The following ORC2 variants were observed in gnomAD, a reference collection of about 807,000 sequenced individuals.
ORC2 encodes origin recognition complex protein 2 homolog.
ORC2 carries 37 observed loss-of-function variants against 77.7 expected under a neutral mutation model. The ratio of observed to expected loss-of-function variants is 0.48; its 90% confidence interval spans 0.37 to 0.63. The LOEUF (loss-of-function observed/expected upper bound fraction) is 0.63. ORC2 is among the 20% of genes least tolerant of loss of function. The probability of loss-of-function intolerance (pLI) is 0.00; values close to 1 mark genes in which losing one functional copy is unlikely to be tolerated. For missense variants in ORC2, 557 were observed against 661.9 expected, an observed-to-expected ratio of 0.84 and a Z score of 1.74; for synonymous variants, 201 against 229.5, an observed-to-expected ratio of 0.88 and a Z score of 1.12.
rs553101234 is a variant in ORC2, at chr2:200,928,166, G to A, written c.918-1266C>T. Among the ~76,000 whole-genome samples, 362 of 151,794 alleles carry A rather than the reference G, an allele frequency of 2.4e-3. 1 individual carries two copies. Among genetic ancestry groups the A allele is most frequent in the African/African-American group, 8.0e-3 (333 of 41,440 alleles). On this transcript the variant is annotated intron_variant, in intron 11 of 17. Coordinates refer to ENST00000234296, the MANE Select transcript of ORC2 (RefSeq NM_006190.5). ...AGGCCAGGAATTCGAGACCAGCCTG[G>A]CCAACATGGTGAAATCCTGTCTCTA...
At chr2:200,963,046 T>C (rs1462713201) in intron 1 of ORC2, 1 of 157,900 alleles carries the variant, frequency 6.3e-6, no homozygotes, top group African/African-American at 2.4e-5. Context: ...TTCCTCTTCA[T>C]ACCTCACAGG....
chr2:200,920,301 A>G lies in ORC2; in HGVS notation c.1387T>C (p.Ser463Pro). 13 of 1,613,904 alleles carry G rather than the reference A, an allele frequency of 8.1e-6. No homozygotes were observed. The highest frequency in any genetic ancestry group is 1.3e-5 in the African/African-American group (1 of 75,026). Reference sequence around the variant, plus strand: ...GATCCAGACTGCTTTACCAGAAGAGAGTTCTCATAGGAGGTTTCTTCAGTA... The same window carrying G: ...GATCCAGACTGCTTTACCAGAAGAGGGTTCTCATAGGAGGTTTCTTCAGTA... ...PYTEETSYEN[S>P]LLVKQSGSLP... Residue 463 changes from serine to proline, a missense_variant, in exon 15 of 18, where the codon TCT becomes CCT. Transcript: ENST00000234296.
chr2:200,930,843 A>G (rs1008336384), intron 11 of ORC2, among the ~76,000 whole-genome samples: 1 of 152,208 alleles, frequency 6.6e-6, no homozygotes, highest in Admixed American at 6.5e-5. Context: ...AAATAATAAC[A>G]GTGAAAAAAT....
chr2:200,944,791 C>T (rs1372996072), intron 5 of ORC2, among the ~76,000 whole-genome samples: 1 of 152,162 alleles, frequency 6.6e-6, no homozygotes, highest in Non-Finnish European at 1.5e-5. Context: ...CCTCCCGCCT[C>T]GGCCTCTCAA....
In ORC2 at chr2:200,925,769, T is replaced by C. The variant is rs564681814; in HGVS notation, c.1147+67A>G. 6.2e-6 allele frequency: 4 copies of C among 646,198 alleles called. No homozygotes were observed. In the South Asian group the frequency reaches 7.5e-5, roughly 12 times the overall value. 40.0% of individuals were successfully genotyped at this position (646,198 alleles called of 1,614,324 possible). ...AATAATAATATTGTATGTATATAAATACATGAATAAGTAGAAGTATATGCT... is the reference window on the plus strand; with the variant it reads ...AATAATAATATTGTATGTATATAAACACATGAATAAGTAGAAGTATATGCT... On this transcript the variant is annotated intron_variant, in intron 13 of 17. Transcript: ENST00000234296.
chr2:200,952,833 G>C (rs796499906), intron 4 of ORC2, among the ~76,000 whole-genome samples: 34 of 151,606 alleles, frequency 2.2e-4, no homozygotes, highest in African/African-American at 7.7e-4. Context: ...AAAGCAGGCT[G>C]GGCATAATTG....
intron 12 of ORC2, among the ~76,000 whole-genome samples, chr2:200,926,235 C>T (rs900846930): frequency 1.3e-5 from 2 of 152,014 alleles, no homozygotes; most frequent in Non-Finnish European, 2.9e-5. Context: ...AACTACAGTT[C>T]TATCAAAGGA....
intron 11 of ORC2, among the ~76,000 whole-genome samples, chr2:200,930,213 CAGAAAAGAGGTAA>C (rs2040914370): frequency 6.6e-6 from 1 of 151,892 alleles, no homozygotes. Flanking sequence ...AATGGAAGAA[CAGAAAAGAGGTAA>C]CCTCCAAAGG....
At chr2:200,915,544 C>A (rs1479241897) in intron 15 of ORC2, among the ~76,000 whole-genome samples, 2 of 152,074 alleles carry the variant, frequency 1.3e-5, no homozygotes, top group Non-Finnish European at 2.9e-5. Context: ...GAAGAGTGAA[C>A]CAAGTAGAAT....
chr2:200,926,951 C>A (rs1480071041), intron 11 of ORC2, 51 bp from the exon 12 acceptor site: 3 of 1,544,412 alleles, frequency 1.9e-6, no homozygotes, highest in South Asian at 1.1e-5. Context: ...CCTCTTATTG[C>A]CAATTTTATT....
chr2:200,918,341 C>T (rs2040694719), intron 15 of ORC2, among the ~76,000 whole-genome samples: 1 of 152,074 alleles, frequency 6.6e-6, no homozygotes. Context: ...GTCTATTATG[C>T]TGTGTGTTTG....
intron 17 of ORC2, 131 bp downstream of exon 17, chr2:200,913,164 C>T: frequency 1.7e-6 from 1 of 593,288 alleles, no homozygotes; most frequent in Non-Finnish European, 2.8e-6. Flanking sequence ...TGGCACATCC[C>T]CTAAATGAAT....
chr2:200,913,031 AAG>A lies in ORC2; in HGVS notation c.1647+262_1647+263del, dbSNP rs540189589. Reference sequence around the variant, plus strand: ...TGAATGAGCAAGAGGGAAAAAACAAAAGAACAGAATTATTTGACTCACCATGT... The same window carrying A: ...TGAATGAGCAAGAGGGAAAAAACAAAAACAGAATTATTTGACTCACCATGT... On this transcript the variant is annotated intron_variant, in intron 17 of 17. Coordinates refer to ENST00000234296, the MANE Select transcript of ORC2 (RefSeq NM_006190.5). Among the ~76,000 whole-genome samples the A allele has an allele frequency of 2.0e-5, 3 of 152,298 alleles. No individual in the cohort carries two copies. In the South Asian group the frequency reaches 6.2e-4, roughly 32 times the overall value.
Position 200,948,033 on chromosome 2 carries a change from C to T in ORC2, c.328+1521G>A, listed in dbSNP as rs377031825. On this transcript the variant is annotated intron_variant, in intron 5 of 17. Transcript: ENST00000234296. ...ACGCCATTCTCCTGCCTCAACCTCC[C>T]GAGTAGCTGGGACTACAGTCGCCCG... is the stretch of plus-strand genomic sequence containing the variant. Among the ~76,000 whole-genome samples, 8 of 152,130 alleles carry T rather than the reference C, an allele frequency of 5.3e-5. No individual in the cohort carries two copies. In the East Asian group the frequency reaches 9.6e-4, roughly 18 times the overall value.
chr2:200,949,518 T>C (rs1267099599), intron 5 of ORC2, 36 bp downstream of exon 5: 1 of 1,094,510 alleles, frequency 9.1e-7, no homozygotes, highest in Non-Finnish European at 1.4e-6. Flanking sequence ...TTAGGAAAGA[T>C]GAGTAATAGT....
intron 4 of ORC2, 67 bp downstream of exon 4, chr2:200,957,334 T>C (rs2041486329): frequency 8.2e-7 from 1 of 1,217,458 alleles, no homozygotes; most frequent in African/African-American, 1.6e-5. Context: ...CAGACTACTT[T>C]TGTGTATCCT....
Position 200,914,009 on chromosome 2 carries a change from A to AC in ORC2, c.1467-18dup. On this transcript the variant is annotated splice_polypyrimidine_tract_variant and intron_variant, in intron 15 of 17. Transcript: ENST00000234296. The stretch of plus-strand genomic sequence containing the variant: ...AAAATTCCCCTAAAAAAAAAAAAAA[A>AC]CAGGAATTTAAATCCAAAAATGTTA... 6.9e-7 allele frequency: 1 copy of AC among 1,442,468 alleles called. No homozygotes were observed. Among genetic ancestry groups the AC allele is most frequent in the Non-Finnish European group, 9.6e-7 (1 of 1,047,032 alleles). 89.4% of individuals were successfully genotyped at this position (1,442,468 alleles called of 1,614,324 possible).
chr2:200,914,008 A>C lies in ORC2; in HGVS notation c.1467-16T>G, dbSNP rs754516635. 8.7e-6 allele frequency: 13 copies of C among 1,500,266 alleles called. No individual in the cohort carries two copies. Among genetic ancestry groups the C allele is most frequent in the Non-Finnish European group, 1.0e-5 (11 of 1,097,432 alleles). The allele number at this position is 1,500,266 out of a possible 1,614,324, so 92.9% of individuals were successfully genotyped here. ...GAAAATTCCCCTAAAAAAAAAAAAAAACAGGAATTTAAATCCAAAAATGTT... is the reference window on the plus strand; with the variant it reads ...GAAAATTCCCCTAAAAAAAAAAAAACACAGGAATTTAAATCCAAAAATGTT... On this transcript the variant is annotated splice_polypyrimidine_tract_variant and intron_variant, in intron 15 of 17. Transcript: ENST00000234296.
chr2:200,926,944 C>G, intron 11 of ORC2, 44 bp from the exon 12 acceptor site: 1 of 1,570,624 alleles, frequency 6.4e-7, no homozygotes, highest in Non-Finnish European at 8.7e-7. Flanking sequence ...TTCAATACCT[C>G]TTATTGCCAA....
Sources: gnomAD v4.1 joint callset for allele counts (sites outside exome capture counted in the v4.1 genomes callset) on GRCh38, gnomAD v4.1.1 for gene constraint, MANE v1.5 for transcripts, NCBI Gene and HGNC (gene_info 2026-07-23, HGNC 2026-07-21) for gene names.